Variants in TNIP3 observed in about 807,000 individuals in gnomAD.
TNIP3 encodes TNFAIP3 interacting protein 3, also known as TNFAIP3-interacting protein 3.
In TNIP3, 34 loss-of-function variants were observed where a neutral mutation model predicts 54.1. That is an observed-to-expected ratio of 0.63 (90% CI 0.48 to 0.84). The LOEUF (loss-of-function observed/expected upper bound fraction) is 0.84. TNIP3 is among the 40% of genes least tolerant of loss of function. The pLI, the probability that TNIP3 is intolerant of heterozygous loss-of-function variation, is 0.00. For synonymous variants in TNIP3, 134 were observed against 136.8 expected, an observed-to-expected ratio of 0.98 and a Z score of 0.14; for missense variants, 366 against 387.6, an observed-to-expected ratio of 0.94 and a Z score of 0.47.
intron 4 of TNIP3, among the ~76,000 whole-genome samples, chr4:121,155,230 T>C (rs1246808768): frequency 2.0e-5 from 3 of 152,196 alleles, no homozygotes; most frequent in Admixed American, 2.0e-4. Context: ...CCCAAAGTGC[T>C]GGATTCCCAA....
intron 3 of TNIP3, among the ~76,000 whole-genome samples, chr4:121,176,757 G>A (rs186376846): frequency 2.0e-5 from 3 of 151,504 alleles, no homozygotes; most frequent in South Asian, 2.1e-4. Flanking sequence ...GTCAATTTAC[G>A]GTAGTTTGCA....
At chr4:121,218,250 A>G (rs746018873), upstream of TNIP3, among the ~76,000 whole-genome samples, 3 of 152,198 alleles carry the variant, frequency 2.0e-5, no homozygotes, top group Non-Finnish European at 4.4e-5. Flanking sequence ...CAAAAATGGC[A>G]TGTGCAAAGG....
At chr4:121,157,269 G>A (rs777006847) in intron 3 of TNIP3, 26 bp from the exon 4 acceptor site, 1 of 1,613,920 alleles carries the variant, frequency 6.2e-7, no homozygotes, top group Non-Finnish European at 8.5e-7. Context: ...AAAGACAGCT[G>A]CAGATACCTT....
intron 2 of TNIP3, among the ~76,000 whole-genome samples, chr4:121,190,231 G>A (rs1328096805): frequency 6.6e-6 from 1 of 152,080 alleles, no homozygotes; most frequent in Non-Finnish European, 1.5e-5. Context: ...GCATATCTTG[G>A]CCTTTTTGCC....
At chr4:121,175,855 G>T (rs1230223457) in intron 3 of TNIP3, among the ~76,000 whole-genome samples, 4 of 152,166 alleles carry the variant, frequency 2.6e-5, no homozygotes, top group Middle Eastern at 3.4e-3. Flanking sequence ...TTTGTGTTAG[G>T]ATCCAATTTT....
chr4:121,171,071 C>T (rs1333158805), intron 3 of TNIP3, among the ~76,000 whole-genome samples: 2 of 152,176 alleles, frequency 1.3e-5, no homozygotes, highest in African/African-American at 4.8e-5. Flanking sequence ...CCATCTCGGT[C>T]TCCCAAAGTG....
chr4:121,144,285 T>C (rs1420547371), intron 7 of TNIP3, among the ~76,000 whole-genome samples: 2 of 152,198 alleles, frequency 1.3e-5, no homozygotes, highest in Non-Finnish European at 2.9e-5. Flanking sequence ...CCATGCTAAT[T>C]ATAAACTAAA....
intron 2 of TNIP3, among the ~76,000 whole-genome samples, chr4:121,205,221 G>A (rs1050584404): frequency 6.6e-6 from 1 of 152,184 alleles, no homozygotes; most frequent in African/African-American, 2.4e-5. Context: ...ATTGAGCAAG[G>A]AGTGAAGGAG....
At chr4:121,191,089 T>TTTGTTG (rs758806764) in intron 2 of TNIP3, among the ~76,000 whole-genome samples, 4 of 152,190 alleles carry the variant, frequency 2.6e-5, no homozygotes, top group African/African-American at 9.6e-5. Flanking sequence ...TGTTTTTGTT[T>TTTGTTG]TTGTTGTTGT....
In TNIP3 at chr4:121,182,612, T is replaced by C. The variant is rs974841196; in HGVS notation, c.189+64A>G. On this transcript the variant is annotated intron_variant, in intron 3 of 12. Transcript: ENST00000507879. ...TGACTTGGGGACTGTCTCCACAAAT[T>C]CTTCTTGATGAATAAACTGCTGAAG... 25 of 1,515,302 alleles carry C rather than the reference T, an allele frequency of 1.6e-5. No homozygotes were observed. The African/African-American group carries it at 3.5e-4, about 21-fold the overall frequency. 93.9% of individuals were successfully genotyped at this position (1,515,302 alleles called of 1,614,324 possible).
intron 2 of TNIP3, among the ~76,000 whole-genome samples, chr4:121,192,139 T>C (rs1286954348): frequency 6.6e-6 from 1 of 152,146 alleles, no homozygotes. Context: ...TGATTCTACC[T>C]CACCAGAGTC....
intron 2 of TNIP3, among the ~76,000 whole-genome samples, chr4:121,201,554 A>C (rs1725887541): frequency 1.3e-5 from 2 of 152,296 alleles, no homozygotes; most frequent in Middle Eastern, 3.4e-3. Context: ...TGTTTGTAAG[A>C]GTTTTCTAGC....
chr4:121,195,502 CA>C (rs929635743), intron 2 of TNIP3, among the ~76,000 whole-genome samples: 1 of 152,022 alleles, frequency 6.6e-6, no homozygotes, highest in Admixed American at 6.5e-5. Context: ...GGTGAAATGT[CA>C]AAAACATTGG....
chr4:121,193,571 C>T (rs1725414964), intron 2 of TNIP3, among the ~76,000 whole-genome samples: 1 of 152,040 alleles, frequency 6.6e-6, no homozygotes, highest in African/African-American at 2.4e-5. Context: ...TAGTAATAAT[C>T]TCAGTAAGAA....
At chr4:121,175,995 G>A (rs1039080410) in intron 3 of TNIP3, among the ~76,000 whole-genome samples, 17 of 152,028 alleles carry the variant, frequency 1.1e-4, no homozygotes, top group Admixed American at 3.9e-4. Flanking sequence ...CATGTAGAGT[G>A]GAATCCTTTA....
At chr4:121,219,271 G>A (rs541179211), upstream of TNIP3, among the ~76,000 whole-genome samples, 2 of 152,224 alleles carry the variant, frequency 1.3e-5, no homozygotes, top group East Asian at 3.9e-4. Context: ...AGCATCCTCT[G>A]AAGCTAAAAG....
chr4:121,208,535 C>T (rs956912932), intron 2 of TNIP3, among the ~76,000 whole-genome samples: 2 of 152,162 alleles, frequency 1.3e-5, no homozygotes, highest in African/African-American at 2.4e-5. Context: ...ATCCTTAGCC[C>T]TGATCCCTGA....
chr4:121,204,590 C>A (rs1470356880), intron 2 of TNIP3, among the ~76,000 whole-genome samples: 1 of 152,168 alleles, frequency 6.6e-6, no homozygotes, highest in Non-Finnish European at 1.5e-5. Context: ...TTAATCATTT[C>A]TCTATGATGG....
At chr4:121,216,506 AT>A (rs1726800611) in intron 1 of TNIP3, 4 of 1,535,612 alleles carry the variant, frequency 2.6e-6, no homozygotes, top group African/African-American at 2.7e-5. Context: ...GGAATCTAAA[AT>A]AAAAAAATAT....
Sources: gnomAD v4.1 joint callset for allele counts (sites outside exome capture counted in the v4.1 genomes callset) on GRCh38, gnomAD v4.1.1 for gene constraint, MANE v1.5 for transcripts, NCBI Gene and HGNC (gene_info 2026-07-23, HGNC 2026-07-21) for gene names.